C1QTNF7: variants seen among roughly 807,000 people sequenced by gnomAD.
C1QTNF7 encodes the protein complement C1q tumor necrosis factor-related protein 7.
A neutral mutation model predicts 19.6 loss-of-function variants in C1QTNF7; 15 were observed. The ratio of observed to expected loss-of-function variants is 0.76; its 90% CI spans 0.51 to 1.18. C1QTNF7 has a LOEUF of 1.18. Ranked by LOEUF, C1QTNF7 falls within the 50% of genes most tolerant of loss-of-function variation. C1QTNF7 has a pLI of 0.00. For missense variants in C1QTNF7, 324 were observed against 359.7 expected, an observed-to-expected ratio of 0.90 and a Z score of 0.80; for synonymous variants, 142 against 137.5, an observed-to-expected ratio of 1.03 and a Z score of -0.23.
rs1712941720 is a variant in C1QTNF7, at chr4:15,445,084, T to C, written c.*2285T>C. ...GTCTTTCAACCCTATCTTGCTTTCA[T>C]TGTCTTCATCTTCCTGCCATACTTT... On this transcript the variant is annotated 3_prime_UTR_variant, in exon 3 of 3. Coordinates refer to ENST00000444304, the MANE Select transcript of C1QTNF7 (RefSeq NM_031911.5). 1.3e-5 allele frequency: 2 copies of C among 152,312 alleles called. No homozygotes were observed. The highest frequency in any genetic ancestry group is 4.8e-5 in the African/African-American group (2 of 41,468). The allele number at this position is 152,312 out of a possible 1,614,324, so 9.4% of individuals were successfully genotyped here.
At chr4:15,425,472 T>C (rs573817646), upstream of C1QTNF7, among the ~76,000 whole-genome samples, 3 of 152,142 alleles carry the variant, frequency 2.0e-5, no homozygotes, top group East Asian at 3.9e-4. Flanking sequence ...CTACTGGAGA[T>C]GATATAAGCA....
chr4:15,435,701 G>C, intron 1 of C1QTNF7, 35 bp from the exon 2 acceptor site: 2 of 1,610,626 alleles, frequency 1.2e-6, no homozygotes, highest in South Asian at 2.2e-5. Flanking sequence ...TCCCAACACA[G>C]AAAGTTCATT....
intron 1 of C1QTNF7, among the ~76,000 whole-genome samples, chr4:15,368,541 T>C (rs1717610937): frequency 3.3e-5 from 5 of 152,118 alleles, no homozygotes; most frequent in Admixed American, 2.6e-4. Context: ...ACATGCAGTG[T>C]TTGGTTTTCT....
chr4:15,343,643 T>C (rs888924130), intron 1 of C1QTNF7, among the ~76,000 whole-genome samples: 3 of 152,158 alleles, frequency 2.0e-5, no homozygotes, highest in Non-Finnish European at 2.9e-5. Context: ...AAATAAAATG[T>C]GCATTCCAAT....
At chr4:15,374,432 A>T (rs535660217) in intron 1 of C1QTNF7, 21 of 401,618 alleles carry the variant, frequency 5.2e-5, no homozygotes, top group African/African-American at 4.3e-4. Flanking sequence ...CTATTTCCCA[A>T]ATATGATTTG....
chr4:15,361,372 T>G (rs1032761274), intron 1 of C1QTNF7: 1 of 152,156 alleles, frequency 6.6e-6, no homozygotes, highest in Admixed American at 6.5e-5. Context: ...AAGGCCATAC[T>G]GTCTCCCCAG....
chr4:15,406,885 G>T (rs778848782), intron 1 of C1QTNF7, among the ~76,000 whole-genome samples: 1 of 152,002 alleles, frequency 6.6e-6, no homozygotes, highest in Admixed American at 6.6e-5. Context: ...TGATAACAGG[G>T]TTATTGCTGG....
At chr4:15,348,845 C>T (rs1190834758) in intron 1 of C1QTNF7, among the ~76,000 whole-genome samples, 3 of 152,098 alleles carry the variant, frequency 2.0e-5, no homozygotes, top group African/African-American at 7.2e-5. Flanking sequence ...GTGTGGGAAA[C>T]CTCAAGAGTC....
intron 2 of C1QTNF7, among the ~76,000 whole-genome samples, chr4:15,440,509 G>A (rs1270533973): frequency 2.0e-5 from 3 of 151,360 alleles, no homozygotes; most frequent in African/African-American, 7.3e-5. Flanking sequence ...CCGGGTTCAA[G>A]CAATTCCCCT....
intron 1 of C1QTNF7, among the ~76,000 whole-genome samples, chr4:15,394,620 C>G (rs1303431075): frequency 6.6e-6 from 1 of 152,186 alleles, no homozygotes; most frequent in Non-Finnish European, 1.5e-5. Flanking sequence ...TGGGGACTCC[C>G]ACATTTTACT....
intron 1 of C1QTNF7, among the ~76,000 whole-genome samples, chr4:15,407,029 A>G (rs1462517936): frequency 6.6e-6 from 1 of 152,332 alleles, no homozygotes; most frequent in South Asian, 2.1e-4. Flanking sequence ...CATGTTTTAA[A>G]TCCCATCTCA....
rs145226452 is a variant in C1QTNF7, at chr4:15,397,567, C to CTGAGCT, written c.14-38167_14-38162dup. Among the ~76,000 whole-genome samples the CTGAGCT allele has an allele frequency of 4.6e-5, 7 of 152,324 alleles. 1 individual carries two copies. The East Asian group carries it at 1.4e-3, about 29-fold the overall frequency. Reference sequence around the variant, plus strand: ...AGGCACCTGGATAGTGGTTACAGGCCTGAGCTTACAGCTCCGTGTCACACT... The same window carrying CTGAGCT: ...AGGCACCTGGATAGTGGTTACAGGCCTGAGCTTGAGCTTACAGCTCCGTGTCACACT... On this transcript the variant is annotated intron_variant, in intron 1 of 2. Transcript: ENST00000295297.
intron 1 of C1QTNF7, among the ~76,000 whole-genome samples, chr4:15,433,877 A>T (rs913548641): frequency 1.3e-5 from 2 of 152,200 alleles, no homozygotes; most frequent in Non-Finnish European, 2.9e-5. Flanking sequence ...CCACTTTCTC[A>T]TTCCTTCTCA....
At chr4:15,359,652 T>C (rs988517203) in intron 1 of C1QTNF7, among the ~76,000 whole-genome samples, 2 of 152,096 alleles carry the variant, frequency 1.3e-5, no homozygotes, top group Non-Finnish European at 2.9e-5. Flanking sequence ...GAAATGATAA[T>C]ATAAGAAATA....
At chr4:15,431,878 A>T (rs1712327134) in intron 1 of C1QTNF7, among the ~76,000 whole-genome samples, 2 of 152,218 alleles carry the variant, frequency 1.3e-5, no homozygotes, top group South Asian at 4.1e-4. Flanking sequence ...TAGAAGTGAA[A>T]AGTACAATAA....
chr4:15,441,099 G>A (rs564612452), intron 2 of C1QTNF7, among the ~76,000 whole-genome samples: 44 of 152,124 alleles, frequency 2.9e-4, no homozygotes, highest in African/African-American at 6.3e-4. Flanking sequence ...CCAAGATCGC[G>A]CCATGACACT....
At chr4:15,379,527 C>T (rs73799824) in intron 1 of C1QTNF7, among the ~76,000 whole-genome samples, 3,008 of 152,242 alleles carry the variant, frequency 0.02, 87 homozygotes, top group African/African-American at 0.069. Flanking sequence ...CAAGGAAGTT[C>T]ATCAACTAGC....
At chr4:15,368,513 TC>T (rs1385104810) in intron 1 of C1QTNF7, among the ~76,000 whole-genome samples, 1 of 152,148 alleles carries the variant, frequency 6.6e-6, no homozygotes, top group Admixed American at 6.6e-5. Context: ...ATTGTTCAAT[TC>T]CCACCTGTGA....
chr4:15,396,228 T>C (rs1718773528), intron 1 of C1QTNF7, among the ~76,000 whole-genome samples: 1 of 152,182 alleles, frequency 6.6e-6, no homozygotes, highest in African/African-American at 2.4e-5. Context: ...TACCGCATCC[T>C]GGGCCTCACT....
Sources: allele counts gnomAD v4.1 joint callset (sites outside exome capture counted in the v4.1 genomes callset), GRCh38; gene constraint gnomAD v4.1.1; transcripts MANE v1.5; gene names NCBI Gene and HGNC (gene_info 2026-07-23, HGNC 2026-07-21).